The following TAF4 variants were observed in gnomAD, a reference collection of about 807,000 sequenced individuals.
TAF4 encodes the protein TATA-box binding protein associated factor 4, also known as transcription initiation factor TFIID subunit 4.
A neutral mutation model predicts 90.3 loss-of-function variants in TAF4; 9 were observed. The ratio of observed to expected loss-of-function variants is 0.10; its 90% CI spans 0.06 to 0.17. The LOEUF (loss-of-function observed/expected upper bound fraction) is 0.17. Ranked by LOEUF, TAF4 falls within the 10% of genes least tolerant of loss-of-function variation. TAF4 has a pLI of 1.00. For missense variants in TAF4, 1,351 were observed against 1,370.7 expected (o/e 0.99, Z 0.23); for synonymous variants, 818 against 638.9 (o/e 1.28, Z -4.23).
intron 1 of TAF4, among the ~76,000 whole-genome samples, chr20:62,061,857 T>C (rs186898708): frequency 2.0e-5 from 3 of 152,348 alleles, no homozygotes; most frequent in East Asian, 1.9e-4. Context: ...TACAACACTG[T>C]CCTGACAAAG....
chr20:62,024,083 A>G (rs1202633377), intron 1 of TAF4, among the ~76,000 whole-genome samples: 1 of 152,134 alleles, frequency 6.6e-6, no homozygotes, highest in Non-Finnish European at 1.5e-5. Context: ...CGTCTAAAAA[A>G]AGCTCCAGTA....
chr20:62,003,917 C>T (rs772786026), intron 7 of TAF4, 39 bp from the exon 8 acceptor site: 12 of 1,508,768 alleles, frequency 8.0e-6, no homozygotes, highest in East Asian at 2.4e-5. Context: ...GCATGCTCCC[C>T]GAGGGCCAGG....
chr20:62,010,314 C>T lies in TAF4; in HGVS notation c.1642-149G>A, dbSNP rs1325721552. 5.9e-6 allele frequency: 7 copies of T among 1,191,200 alleles called. No individual in the cohort carries two copies. The highest frequency in any genetic ancestry group is 8.2e-6 in the Non-Finnish European group (7 of 852,654). 73.8% of individuals were successfully genotyped at this position (1,191,200 alleles called of 1,614,324 possible). On this transcript the variant is annotated intron_variant, in intron 3 of 14. Coordinates refer to ENST00000252996, the MANE Select transcript of TAF4 (RefSeq NM_003185.4). The surrounding 1 kb of genome is among the most constrained non-coding windows in gnomAD (Gnocchi z 4.5). ...CAAGGACCCCGGCCACCTGCCAGCC[C>T]GCTGGACACGGGAGTGCTGCTGGGA...
intron 1 of TAF4, among the ~76,000 whole-genome samples, chr20:62,041,929 C>T (rs749330687): frequency 8.0e-5 from 12 of 150,106 alleles, no homozygotes; most frequent in Admixed American, 4.0e-4. Context: ...AAAAAAAAAA[C>T]CCTCCCACAT....
intron 1 of TAF4, among the ~76,000 whole-genome samples, chr20:62,052,484 CA>C (rs2056034745): frequency 6.6e-6 from 1 of 151,974 alleles, no homozygotes; most frequent in Non-Finnish European, 1.5e-5. Context: ...CGACAAACCC[CA>C]GGGTGCCCTG....
chr20:61,988,514 G>A (rs370933026), intron 14 of TAF4, among the ~76,000 whole-genome samples: 4 of 152,184 alleles, frequency 2.6e-5, no homozygotes, highest in African/African-American at 9.7e-5. Flanking sequence ...TAACTTTCCT[G>A]TAAGTATAGA....
chr20:62,003,023 C>CTT (rs1671699793), intron 9 of TAF4, 137 bp downstream of exon 9: 1 of 630,024 alleles, frequency 1.6e-6, no homozygotes. Context: ...TCAAAGTGAG[C>CTT]GTGAAGCAGG....
chr20:62,012,487 G>A (rs2055784863), intron 3 of TAF4: 3 of 197,506 alleles, frequency 1.5e-5, no homozygotes, highest in Non-Finnish European at 3.0e-5. Flanking sequence ...CTCACCGCAG[G>A]CTGCTTCTGC....
chr20:61,981,065 G>GA (rs1438651763), intron 14 of TAF4: 1 of 152,344 alleles, frequency 6.6e-6, no homozygotes, highest in Non-Finnish European at 1.5e-5. Context: ...AGGAAAGGGG[G>GA]AAGTTCTGGG....
At chr20:61,996,213 A>G (rs2055661767) in intron 14 of TAF4, among the ~76,000 whole-genome samples, 3 of 151,964 alleles carry the variant, frequency 2.0e-5, no homozygotes, top group African/African-American at 7.3e-5. Flanking sequence ...GTCTCTACGA[A>G]AAAAAAAGAA....
chr20:62,023,345 C>A (rs1018979962), intron 1 of TAF4, among the ~76,000 whole-genome samples: 5 of 151,874 alleles, frequency 3.3e-5, no homozygotes, highest in African/African-American at 1.2e-4. Flanking sequence ...GCACGAGAAT[C>A]GCTTGAACCA....
intron 1 of TAF4, among the ~76,000 whole-genome samples, chr20:62,021,805 A>G (rs2055845066): frequency 1.3e-5 from 2 of 151,932 alleles, no homozygotes; most frequent in East Asian, 3.9e-4. Flanking sequence ...TTTTTGAAAC[A>G]GAGTCTCACT....
In TAF4 at chr20:62,012,811, T is replaced by C. The variant is rs2055787132; in HGVS notation, c.1641+4A>G. On this transcript the variant is annotated splice_donor_region_variant and intron_variant, in intron 3 of 14. Transcript: ENST00000252996. ...CTCAAGAGATCCGCCGCCTGCCCTC[T>C]CACCTGGACGCCGGGCGAGCGCTGC... 2.5e-6 allele frequency: 4 copies of C among 1,609,344 alleles called. No homozygotes were observed. Among genetic ancestry groups the C allele is most frequent in the Non-Finnish European group, 3.4e-6 (4 of 1,178,644 alleles).
chr20:62,003,317 T>A (rs753395411), intron 8 of TAF4, 43 bp from the exon 9 acceptor site: 1 of 1,490,226 alleles, frequency 6.7e-7, no homozygotes, highest in Non-Finnish European at 9.4e-7. Context: ...AGGCTTTTAT[T>A]AGATCAACTA....
At chr20:62,034,820 T>C (rs2145496451) in intron 1 of TAF4, among the ~76,000 whole-genome samples, 1 of 149,188 alleles carries the variant, frequency 6.7e-6, no homozygotes, top group South Asian at 2.2e-4. Context: ...CACTATCTCA[T>C]AGATTTCTTT....
intron 2 of TAF4, among the ~76,000 whole-genome samples, 190 bp downstream of exon 2, chr20:62,014,357 G>A (rs774157803): frequency 1.2e-4 from 19 of 152,138 alleles, no homozygotes; most frequent in Admixed American, 1.3e-4. Context: ...CCCTGCCACC[G>A]AGAGGAGGAC....
At chr20:61,987,143 G>A (rs539043558) in intron 14 of TAF4, among the ~76,000 whole-genome samples, 13 of 152,324 alleles carry the variant, frequency 8.5e-5, no homozygotes, top group Admixed American at 5.2e-4. Context: ...CTGAGGACAC[G>A]CCAGCCGGCC....
chr20:61,985,105 A>G (rs577832505), intron 14 of TAF4, among the ~76,000 whole-genome samples: 18 of 104,368 alleles, frequency 1.7e-4, no homozygotes, highest in African/African-American at 4.4e-4. Context: ...TACAGTTCTG[A>G]CTCTCCGGAC....
intron 1 of TAF4, among the ~76,000 whole-genome samples, chr20:62,027,213 G>A (rs986833180): frequency 2.0e-5 from 3 of 152,190 alleles, no homozygotes; most frequent in Non-Finnish European, 2.9e-5. Context: ...GGAGTGGAAT[G>A]AAGTTTGGGA....
Sources: allele counts gnomAD v4.1 joint callset (sites outside exome capture counted in the v4.1 genomes callset), GRCh38; gene constraint gnomAD v4.1.1; non-coding constraint Gnocchi (gnomAD v3.1); transcripts MANE v1.5; gene names NCBI Gene and HGNC (gene_info 2026-07-23, HGNC 2026-07-21).